Variants in NALCN observed in about 807,000 individuals in gnomAD.
NALCN encodes the protein sodium leak channel, non-selective.
In NALCN, 111 loss-of-function variants were observed where a neutral mutation model predicts 225.3. The ratio of observed to expected loss-of-function variants is 0.49; its 90% CI spans 0.42 to 0.58. The LOEUF is 0.58. Among genes scored for constraint, NALCN ranks in the 20% least tolerant of loss-of-function variants. NALCN has a pLI of 0.00. For missense variants in NALCN, 1,378 were observed against 2,202.4 expected (o/e 0.63, Z 7.49); for synonymous variants, 764 against 769.0 (o/e 0.99, Z 0.11).
rs111855291 is a variant in NALCN, at chr13:101,313,955, T to C, written c.800-21589A>G. On this transcript the variant is annotated intron_variant, in intron 7 of 43. Coordinates refer to ENST00000251127, the MANE Select transcript of NALCN (RefSeq NM_052867.4). ...GACTGGATTAGGAAAATGTGGCACATATACACCATGGAATACTATGCAGCC... is the reference window on the plus strand; with the variant it reads ...GACTGGATTAGGAAAATGTGGCACACATACACCATGGAATACTATGCAGCC... Among the ~76,000 whole-genome samples, 13 of 152,048 alleles carry C rather than the reference T, an allele frequency of 8.5e-5. 1 individual carries two copies. Among genetic ancestry groups the C allele is most frequent in the African/African-American group, 3.1e-4 (13 of 41,500 alleles).
Position 101,146,998 on chromosome 13 carries a change from G to A in NALCN, c.1840-2102C>T, listed in dbSNP as rs116207937. ...TTCACGGGCAGCAGAATAGACACAC[G>A]TGGTCAGAAGAGTTGACTTGGGGGC... On this transcript the variant is annotated intron_variant, in intron 15 of 43. Coordinates refer to ENST00000251127, the MANE Select transcript of NALCN (RefSeq NM_052867.4). Among the ~76,000 whole-genome samples the A allele has an allele frequency of 2.9e-3, 443 of 152,304 alleles. 1 individual carries two copies. Among genetic ancestry groups the A allele is most frequent in the African/African-American group, 8.5e-3 (354 of 41,566 alleles).
intron 15 of NALCN, among the ~76,000 whole-genome samples, chr13:101,150,454 C>T (rs7990413): frequency 0.44 from 66,348 of 152,012 alleles, 14,649 homozygotes; most frequent in South Asian, 0.52. Flanking sequence ...GCACTATCAG[C>T]CACCAAAACT....
At chr13:101,066,896 C>A (rs1429862328) in intron 39 of NALCN, among the ~76,000 whole-genome samples, 1 of 152,152 alleles carries the variant, frequency 6.6e-6, no homozygotes. Context: ...CCTTGTTGTT[C>A]AGACATGAGG....
intron 15 of NALCN, among the ~76,000 whole-genome samples, chr13:101,145,671 T>C (rs2037311896): frequency 6.6e-6 from 1 of 152,162 alleles, no homozygotes; most frequent in African/African-American, 2.4e-5. Context: ...TGCTCTCTTT[T>C]TCTCTCCCAG....
chr13:101,346,087 C>CTCTCTCTCTCTCTCTATATA lies in NALCN; in HGVS notation c.645-668_645-667insTATATAGAGAGAGAGAGAGA. Among the ~76,000 whole-genome samples, 282 of 70,910 alleles carry CTCTCTCTCTCTCTCTATATA rather than the reference C, an allele frequency of 4.0e-3. 2 individuals carry two copies. The highest frequency in any genetic ancestry group is 4.9e-3 in the Non-Finnish European group (184 of 37,524). The allele number at this position is 70,910 out of a possible 152,430, so 46.5% of individuals were successfully genotyped here. ...TCTCTCTCTCTCTCTCTCTCTCTCTCTATATATATATATATATATATATAT... is the reference window on the plus strand; with the variant it reads ...TCTCTCTCTCTCTCTCTCTCTCTCTCTCTCTCTCTCTCTCTATATATATATATATATATATATATATATAT... On this transcript the variant is annotated intron_variant, in intron 6 of 43. Coordinates refer to ENST00000251127, the MANE Select transcript of NALCN (RefSeq NM_052867.4).
intron 3 of NALCN, among the ~76,000 whole-genome samples, chr13:101,392,212 C>A (rs536693218): frequency 6.6e-6 from 1 of 152,016 alleles, no homozygotes; most frequent in African/African-American, 2.4e-5. Flanking sequence ...GCCACCCACA[C>A]ACATGAAAAA....
chr13:101,221,197 C>T (rs968622151), intron 13 of NALCN, among the ~76,000 whole-genome samples: 3 of 151,942 alleles, frequency 2.0e-5, no homozygotes, highest in Admixed American at 6.6e-5. Flanking sequence ...AAATCTACTG[C>T]AACCTCTGAC....
chr13:101,068,972 G>A (rs932963872), intron 37 of NALCN, 145 bp from the exon 38 acceptor site: 2 of 761,960 alleles, frequency 2.6e-6, no homozygotes, highest in East Asian at 3.2e-5. Context: ...CATACATTGG[G>A]TACATCATCT....
At chr13:101,056,780 A>C (rs2031317763) in intron 43 of NALCN, among the ~76,000 whole-genome samples, 2 of 152,206 alleles carry the variant, frequency 1.3e-5, no homozygotes, top group East Asian at 3.9e-4. Flanking sequence ...CTTTGCTGCC[A>C]AGTCAACTTC....
chr13:101,232,906 T>C (rs995048856), intron 12 of NALCN, among the ~76,000 whole-genome samples: 1 of 152,122 alleles, frequency 6.6e-6, no homozygotes, highest in Non-Finnish European at 1.5e-5. Flanking sequence ...CACATTTTTA[T>C]CAGATTTGTC....
chr13:101,097,515 T>C (rs2139584559), intron 27 of NALCN, among the ~76,000 whole-genome samples: 1 of 152,312 alleles, frequency 6.6e-6, no homozygotes, highest in South Asian at 2.1e-4. Context: ...CAGTCTGGTA[T>C]CTTGGTGAAA....
At chr13:101,314,167 G>A (rs1253981192) in intron 7 of NALCN, among the ~76,000 whole-genome samples, 2 of 115,170 alleles carry the variant, frequency 1.7e-5, no homozygotes, top group African/African-American at 3.3e-5. Context: ...GTTGTGGGGT[G>A]GGGGGAGGGG....
intron 14 of NALCN, among the ~76,000 whole-genome samples, chr13:101,189,551 A>G (rs886080439): frequency 4.6e-5 from 7 of 152,202 alleles, no homozygotes; most frequent in African/African-American, 1.7e-4. Context: ...CAAACAACAG[A>G]GAGATCAGGG....
intron 12 of NALCN, among the ~76,000 whole-genome samples, chr13:101,229,912 T>A (rs1234833561): frequency 3.3e-5 from 5 of 152,210 alleles, no homozygotes; most frequent in Non-Finnish European, 7.3e-5. Flanking sequence ...TGAACATTCC[T>A]AATTTAAAAC....
chr13:101,304,566 G>T (rs1210785115), intron 7 of NALCN, among the ~76,000 whole-genome samples: 2 of 151,818 alleles, frequency 1.3e-5, no homozygotes, highest in Admixed American at 6.6e-5. Flanking sequence ...GGCGGATGAG[G>T]AGCTGGGACT....
At chr13:101,326,588 A>C (rs2076583731) in intron 7 of NALCN, among the ~76,000 whole-genome samples, 1 of 152,228 alleles carries the variant, frequency 6.6e-6, no homozygotes, top group Non-Finnish European at 1.5e-5. Context: ...AATGATTTGC[A>C]TCTAAATCCC....
At chr13:101,226,459 GT>G (rs2041145548) in intron 13 of NALCN, among the ~76,000 whole-genome samples, 1 of 152,162 alleles carries the variant, frequency 6.6e-6, no homozygotes, top group Non-Finnish European at 1.5e-5. Context: ...TGCTTTTTGT[GT>G]TTCTTACCTC....
chr13:101,182,920 G>A (rs946980560), intron 14 of NALCN, among the ~76,000 whole-genome samples: 1 of 152,184 alleles, frequency 6.6e-6, no homozygotes, highest in African/African-American at 2.4e-5. Flanking sequence ...GCAGCTTGGT[G>A]TCCATCATAT....
At chr13:101,310,886 A>T (rs2044317539) in intron 7 of NALCN, among the ~76,000 whole-genome samples, 2 of 152,216 alleles carry the variant, frequency 1.3e-5, no homozygotes, top group Non-Finnish European at 2.9e-5. Context: ...TAGGATATTC[A>T]CATATGGAAT....
Sources: allele counts gnomAD v4.1 joint callset (sites outside exome capture counted in the v4.1 genomes callset), GRCh38; gene constraint gnomAD v4.1.1; transcripts MANE v1.5; gene names NCBI Gene and HGNC (gene_info 2026-07-23, HGNC 2026-07-21).